The following USH2A variants were observed in gnomAD, a reference collection of about 807,000 sequenced individuals.
USH2A encodes the protein Usher syndrome 2A (autosomal recessive, mild).
Under a neutral mutation model 538.9 loss-of-function variants are expected in USH2A, and 443 were observed. The ratio of observed to expected loss-of-function variants is 0.82; its 90% CI spans 0.76 to 0.89. The LOEUF (loss-of-function observed/expected upper bound fraction) is 0.89, where lower values mean the gene tolerates loss of function less well. Among genes scored for constraint, USH2A ranks in the 40% least tolerant of loss-of-function variants. USH2A has a pLI of 0.00. For synonymous variants in USH2A, 2,413 were observed against 2,273.5 expected (o/e 1.06, Z -1.75); for missense variants, 6,633 against 6,324.8 (o/e 1.05, Z -1.65).
intron 11 of USH2A, among the ~76,000 whole-genome samples, chr1:216,253,070 T>C (rs1375271904): frequency 6.6e-6 from 1 of 152,158 alleles, no homozygotes; most frequent in East Asian, 1.9e-4. Flanking sequence ...CAATACTTTT[T>C]CAAAGAGCAA....
At chr1:215,762,504 G>C (rs571459698) in intron 56 of USH2A, among the ~76,000 whole-genome samples, 66 of 152,288 alleles carry the variant, frequency 4.3e-4, no homozygotes, top group African/African-American at 1.5e-3. Flanking sequence ...CTCTTTTCAA[G>C]TTGGTAATAA....
intron 61 of USH2A, among the ~76,000 whole-genome samples, chr1:215,682,642 T>C (rs1658274822): frequency 1.3e-5 from 2 of 152,086 alleles, no homozygotes; most frequent in Non-Finnish European, 2.9e-5. Context: ...AAATATGGCC[T>C]GTAGGTTGCA....
chr1:216,300,325 T>C (rs1466522930), intron 9 of USH2A, among the ~76,000 whole-genome samples: 2 of 152,214 alleles, frequency 1.3e-5, no homozygotes. Context: ...CTTTCAATTA[T>C]GTTTCGGTTT....
At chr1:216,174,426 T>G (rs2034332567) in intron 21 of USH2A, 4 of 985,366 alleles carry the variant, frequency 4.1e-6, no homozygotes, top group Non-Finnish European at 4.8e-6. Context: ...TCATGGGACT[T>G]CCAAAATATT....
intron 47 of USH2A, among the ~76,000 whole-genome samples, chr1:215,828,387 C>A (rs1182264328): frequency 6.6e-6 from 1 of 152,066 alleles, no homozygotes; most frequent in Non-Finnish European, 1.5e-5. Flanking sequence ...CCTGGAAGGT[C>A]AAGGCTGCAG....
intron 71 of USH2A, among the ~76,000 whole-genome samples, chr1:215,627,437 C>CTTCCTTCTTTCCTTCCTTCT (rs1656084872): frequency 6.5e-4 from 33 of 50,754 alleles, no homozygotes; most frequent in African/African-American, 1.5e-3. Flanking sequence ...TCCTTCCTTC[C>CTTCCTTCTTTCCTTCCTTCT]TTCCTTCCTT....
chr1:215,768,386 T>TGAGAGCA (rs1191082865), intron 55 of USH2A, among the ~76,000 whole-genome samples: 2 of 152,232 alleles, frequency 1.3e-5, no homozygotes. Context: ...CCATTTAGAA[T>TGAGAGCA]GAGAGCAGTA....
chr1:216,082,628 C>T (rs186902147), intron 26 of USH2A, among the ~76,000 whole-genome samples: 96 of 152,100 alleles, frequency 6.3e-4, no homozygotes, highest in Non-Finnish European at 1.1e-3. Flanking sequence ...ATTTTAATAA[C>T]GTATTTAACA....
intron 13 of USH2A, among the ~76,000 whole-genome samples, chr1:216,232,994 C>T (rs184612257): frequency 2.6e-5 from 4 of 152,312 alleles, no homozygotes; most frequent in East Asian, 1.9e-4. Context: ...CACCCAGTCC[C>T]GGAGGCCATC....
chr1:216,293,021 C>CTTTTT (rs1198460233), intron 9 of USH2A, among the ~76,000 whole-genome samples: 5 of 126,294 alleles, frequency 4.0e-5, no homozygotes, highest in African/African-American at 9.0e-5. Flanking sequence ...ACACAAGCAT[C>CTTTTT]TTTTTTTTTT....
chr1:216,203,939 G>C (rs2035054087), intron 16 of USH2A: 1 of 158,768 alleles, frequency 6.3e-6, no homozygotes, highest in African/African-American at 2.4e-5. Flanking sequence ...CAACTCATCT[G>C]ACTGTGAATC....
intron 9 of USH2A, among the ~76,000 whole-genome samples, chr1:216,308,266 C>T (rs2037353721): frequency 6.6e-6 from 1 of 152,160 alleles, no homozygotes; most frequent in African/African-American, 2.4e-5. Context: ...GTAAAGTGTT[C>T]CACGTAGACA....
chr1:215,868,926 C>T (rs763878563), intron 43 of USH2A, among the ~76,000 whole-genome samples: 7 of 152,216 alleles, frequency 4.6e-5, no homozygotes, highest in Non-Finnish European at 8.8e-5. Flanking sequence ...TTCTTATATC[C>T]AGACCTGTGA....
At chr1:215,669,303 A>T (rs1657735628) in intron 64 of USH2A, among the ~76,000 whole-genome samples, 1 of 152,230 alleles carries the variant, frequency 6.6e-6, no homozygotes, top group Non-Finnish European at 1.5e-5. Context: ...AAAGGTAATG[A>T]GAAAAGAACA....
rs181219091 is a variant in USH2A, at chr1:216,412,143, C to T, written c.651+6371G>A. Among the ~76,000 whole-genome samples the T allele has an allele frequency of 3.3e-4, 50 of 152,136 alleles. No homozygotes were observed. In the East Asian group the frequency reaches 8.7e-3, roughly 27 times the overall value. On this transcript the variant is annotated intron_variant, in intron 3 of 71. Coordinates refer to ENST00000307340, the MANE Select transcript of USH2A (RefSeq NM_206933.4). The stretch of plus-strand genomic sequence containing the variant: ...AAATTTATGGTGTAAGCTAAATAGG[C>T]CAAGTTTGTTTGTTTCCAATTTGTA...
chr1:215,876,314 C>T (rs996977303), intron 43 of USH2A, among the ~76,000 whole-genome samples: 1 of 152,134 alleles, frequency 6.6e-6, no homozygotes, highest in Non-Finnish European at 1.5e-5. Context: ...ATCAGATTTA[C>T]GAGATGCCTC....
chr1:215,823,321 T>C (rs11120649), intron 47 of USH2A, among the ~76,000 whole-genome samples: 59,614 of 151,836 alleles, frequency 0.39, 12,107 homozygotes, highest in Admixed American at 0.52. Flanking sequence ...TACTTTTATA[T>C]GGCATTTGTT....
At chr1:216,085,229 G>A (rs2102561629) in intron 24 of USH2A, 1 of 265,812 alleles carries the variant, frequency 3.8e-6, no homozygotes, top group East Asian at 9.2e-5. Flanking sequence ...GGAAGGGAGT[G>A]TTTCTATTTA....
chr1:216,368,616 C>T (rs1161859663), intron 3 of USH2A, among the ~76,000 whole-genome samples: 2 of 152,184 alleles, frequency 1.3e-5, no homozygotes, highest in East Asian at 1.9e-4. Context: ...ATGATCCTTT[C>T]TCTCAAGGAG....
Sources: gnomAD v4.1 joint callset for allele counts (sites outside exome capture counted in the v4.1 genomes callset) on GRCh38, gnomAD v4.1.1 for gene constraint, MANE v1.5 for transcripts, NCBI Gene and HGNC (gene_info 2026-07-23, HGNC 2026-07-21) for gene names.